NBDY: variants seen among roughly 807,000 people sequenced by gnomAD.
The protein encoded by NBDY is negative regulator of P-body association, also known as P-body dissociating protein.
chrX:56,811,903 G>T (rs7876584), intron 2 of NBDY, among the ~76,000 whole-genome samples: 3,145 of 112,096 alleles, frequency 0.028, 122 homozygotes, highest in African/African-American at 0.097. Context: ...GCACTGGAGT[G>T]AATCTCCTGG....
intron 2 of NBDY, among the ~76,000 whole-genome samples, chrX:56,737,947 A>G (rs891615977): frequency 9.0e-6 from 1 of 111,182 alleles, no homozygotes; most frequent in African/African-American, 3.3e-5. Context: ...TTTACCTCTT[A>G]ATATGTCAGT....
At chrX:56,816,266 G>T (rs1031873379) in intron 2 of NBDY, among the ~76,000 whole-genome samples, 21 of 111,076 alleles carry the variant, frequency 1.9e-4, no homozygotes, top group African/African-American at 6.5e-4. Context: ...TTAATATTAG[G>T]TCATCATATT....
chrX:56,741,679 T>C (rs1290853420), intron 2 of NBDY, among the ~76,000 whole-genome samples: 1 of 112,134 alleles, frequency 8.9e-6, no homozygotes, highest in Non-Finnish European at 1.9e-5. Context: ...GTCACAATTT[T>C]GATCAAATTA....
chrX:56,813,445 A>T (rs2069896687), intron 2 of NBDY, among the ~76,000 whole-genome samples: 1 of 110,508 alleles, frequency 9.0e-6, no homozygotes, highest in Non-Finnish European at 1.9e-5. Context: ...TCCCACTCTC[A>T]CTCACACAGG....
intron 2 of NBDY, among the ~76,000 whole-genome samples, chrX:56,746,288 T>C (rs1031856678): frequency 2.6e-4 from 29 of 110,726 alleles, no homozygotes; most frequent in African/African-American, 9.5e-4. Flanking sequence ...TATAAAGACT[T>C]TCTCATACTA....
intron 2 of NBDY, among the ~76,000 whole-genome samples, chrX:56,805,509 C>T (rs1435007570): frequency 3.6e-5 from 4 of 112,202 alleles, no homozygotes; most frequent in Non-Finnish European, 7.5e-5. Context: ...CTTCCAGGTT[C>T]TCTTTTGTTC....
intron 2 of NBDY, among the ~76,000 whole-genome samples, chrX:56,767,452 G>A (rs890858681): frequency 8.8e-6 from 1 of 113,383 alleles, no homozygotes; most frequent in Admixed American, 9.2e-5. Flanking sequence ...CACTGGCCAA[G>A]GTCGGAGCCG....
intron 2 of NBDY, among the ~76,000 whole-genome samples, chrX:56,790,173 C>T (rs769101813): frequency 3.6e-5 from 4 of 112,658 alleles, no homozygotes; most frequent in South Asian, 3.7e-4. Context: ...GCCATGACCG[C>T]GTTGCTCTAA....
chrX:56,735,881 C>T (rs1386532609), intron 2 of NBDY, among the ~76,000 whole-genome samples: 1 of 105,350 alleles, frequency 9.5e-6, no homozygotes, highest in African/African-American at 3.5e-5. Context: ...ATTTAGTTGT[C>T]TTGAACCAGA....
chrX:56,751,293 A>G (rs944437751), intron 2 of NBDY, among the ~76,000 whole-genome samples: 2 of 111,308 alleles, frequency 1.8e-5, no homozygotes, highest in Non-Finnish European at 3.8e-5. Context: ...CATAGCCTCA[A>G]TATTTTTTTT....
intron 2 of NBDY, among the ~76,000 whole-genome samples, chrX:56,800,746 G>C (rs190998087): frequency 0.011 from 1,181 of 110,891 alleles, 10 homozygotes; most frequent in Middle Eastern, 0.028. Flanking sequence ...GGGAGTTCAG[G>C]ATCAGCCTGC....
chrX:56,789,221 G>A (rs1478652245), intron 2 of NBDY, among the ~76,000 whole-genome samples: 2 of 112,937 alleles, frequency 1.8e-5, no homozygotes, highest in African/African-American at 6.4e-5. Context: ...TGGTCACTTT[G>A]GGGGAACCTG....
intron 2 of NBDY, among the ~76,000 whole-genome samples, chrX:56,792,557 C>T (rs1383066353): frequency 1.8e-5 from 2 of 110,760 alleles, no homozygotes; most frequent in African/African-American, 3.3e-5. Context: ...GACACATGCA[C>T]GTGCAGACAC....
intron 2 of NBDY, among the ~76,000 whole-genome samples, chrX:56,813,550 A>G (rs1189698299): frequency 1.8e-5 from 2 of 111,381 alleles, no homozygotes; most frequent in Non-Finnish European, 3.8e-5. Context: ...AGAGAAACAC[A>G]CAAGAAACTT....
chrX:56,736,868 T>A (rs2069497054), intron 2 of NBDY, among the ~76,000 whole-genome samples: 1 of 112,061 alleles, frequency 8.9e-6, no homozygotes, highest in South Asian at 3.7e-4. Context: ...GTGAAGAGGC[T>A]GTTTTTCAAT....
chrX:56,788,891 G>T (rs1039777331), intron 2 of NBDY, among the ~76,000 whole-genome samples: 5 of 112,393 alleles, frequency 4.4e-5, no homozygotes, highest in Admixed American at 2.8e-4. Flanking sequence ...GGCACTCTTT[G>T]TTCTAGGGCT....
At chrX:56,787,064 T>C (rs1235969753) in intron 2 of NBDY, among the ~76,000 whole-genome samples, 4 of 111,221 alleles carry the variant, frequency 3.6e-5, no homozygotes, top group Non-Finnish European at 3.8e-5. Flanking sequence ...ATCTCTCTCC[T>C]TTTTTCCAGT....
intron 2 of NBDY, among the ~76,000 whole-genome samples, chrX:56,796,026 C>T (rs781335605): frequency 7.9e-4 from 88 of 111,779 alleles, no homozygotes; most frequent in Non-Finnish European, 1.3e-3. Flanking sequence ...CAGACACCTT[C>T]ATTCACACCT....
At chrX:56,794,881 G>C (rs185947583) in intron 2 of NBDY, among the ~76,000 whole-genome samples, 1 of 112,490 alleles carries the variant, frequency 8.9e-6, no homozygotes, top group East Asian at 2.8e-4. Context: ...CAGCTGCAGG[G>C]ATTCGGGCCA....
Sources: allele counts gnomAD v4.1 joint callset (sites outside exome capture counted in the v4.1 genomes callset), GRCh38; gene constraint gnomAD v4.1.1; transcripts MANE v1.5; gene names NCBI Gene and HGNC (gene_info 2026-07-23, HGNC 2026-07-21).